Variants in CDH1 observed in about 807,000 individuals in gnomAD.
CDH1 encodes the protein cadherin 1, also known as cadherin-1.
CDH1 carries 35 observed loss-of-function variants against 84.5 expected under a neutral mutation model. That is an observed-to-expected ratio of 0.41 (90% confidence interval 0.32 to 0.55). CDH1 has a LOEUF of 0.55. Among genes scored for constraint, CDH1 ranks in the 20% least tolerant of loss-of-function variants. The pLI is 0.19. For missense variants in CDH1, 994 were observed against 1,126.6 expected, an observed-to-expected ratio of 0.88 and a Z score of 1.68; for synonymous variants, 417 against 439.0, an observed-to-expected ratio of 0.95 and a Z score of 0.63.
chr16:68,826,813 G>A (rs543640342), intron 13 of CDH1, among the ~76,000 whole-genome samples: 5 of 152,254 alleles, frequency 3.3e-5, no homozygotes, highest in African/African-American at 1.2e-4. Context: ...GTTCAGTGCT[G>A]TCTCCCTGTG....
intron 2 of CDH1, chr16:68,765,121 A>C (rs986578086): frequency 2.0e-5 from 3 of 152,220 alleles, no homozygotes; most frequent in Admixed American, 1.3e-4. Context: ...CTGCAGTTTC[A>C]CTTTTAGGTT....
chr16:68,803,473 C>T (rs896251232), intron 3 of CDH1, among the ~76,000 whole-genome samples: 5 of 152,130 alleles, frequency 3.3e-5, no homozygotes, highest in African/African-American at 4.8e-5. Flanking sequence ...TTTCGGCTCA[C>T]GGCAACGTCT....
intron 3 of CDH1, among the ~76,000 whole-genome samples, chr16:68,807,219 C>T (rs1485905047): frequency 6.6e-6 from 1 of 152,118 alleles, no homozygotes; most frequent in Non-Finnish European, 1.5e-5. Flanking sequence ...TGGCTTCCAT[C>T]CCAACAGCTT....
chr16:68,827,771 T>C (rs938516581), intron 13 of CDH1, among the ~76,000 whole-genome samples: 6 of 152,002 alleles, frequency 3.9e-5, no homozygotes, highest in African/African-American at 1.5e-4. Flanking sequence ...TCTCCATGTC[T>C]CTTCCCCTCA....
At chr16:68,797,042 A>G (rs577110323) in intron 2 of CDH1, among the ~76,000 whole-genome samples, 1 of 152,300 alleles carries the variant, frequency 6.6e-6, no homozygotes, top group African/African-American at 2.4e-5. Context: ...GTGTGGCAGC[A>G]CATGCTTAAA....
chr16:68,809,676 C>T (rs2152130706), intron 5 of CDH1, among the ~76,000 whole-genome samples: 1 of 152,190 alleles, frequency 6.6e-6, no homozygotes, highest in African/African-American at 2.4e-5. Context: ...AAGGCGCAGG[C>T]CACCACACCC....
At chr16:68,773,253 T>C (rs1165496065) in intron 2 of CDH1, among the ~76,000 whole-genome samples, 1 of 152,004 alleles carries the variant, frequency 6.6e-6, no homozygotes, top group South Asian at 2.1e-4. Context: ...AAATTGCACA[T>C]GTGAGCAACC....
At chr16:68,750,391 C>T (rs560571643) in intron 2 of CDH1, among the ~76,000 whole-genome samples, 2 of 151,964 alleles carry the variant, frequency 1.3e-5, no homozygotes, top group East Asian at 1.9e-4. Context: ...CTACTCAAGC[C>T]GCTTGGCCAG....
chr16:68,786,528 TTTTTTC>T (rs1263410531), intron 2 of CDH1, among the ~76,000 whole-genome samples: 174 of 116,666 alleles, frequency 1.5e-3, no homozygotes, highest in Non-Finnish European at 2.3e-3. Context: ...TTCTTTTTTT[TTTTTTC>T]TTTTTTTTTT....
chr16:68,799,390 A>G (rs1878096837), intron 2 of CDH1, among the ~76,000 whole-genome samples: 1 of 152,180 alleles, frequency 6.6e-6, no homozygotes, highest in Non-Finnish European at 1.5e-5. Context: ...TCTTTGAATG[A>G]CACAGCTCCC....
At chr16:68,818,533 C>CA (rs1961044763) in intron 10 of CDH1, among the ~76,000 whole-genome samples, 1 of 123,350 alleles carries the variant, frequency 8.1e-6, no homozygotes. Context: ...TCTTGGTTTT[C>CA]TTTTTTTTTT....
intron 2 of CDH1, among the ~76,000 whole-genome samples, chr16:68,794,673 A>T (rs907339531): frequency 2.7e-4 from 40 of 147,256 alleles, no homozygotes; most frequent in Non-Finnish European, 4.8e-4. Context: ...GTGCACCAAC[A>T]TGCCGGGCTA....
At chr16:68,830,463 T>C (rs1177316333) in intron 15 of CDH1, among the ~76,000 whole-genome samples, 2 of 152,128 alleles carry the variant, frequency 1.3e-5, no homozygotes, top group African/African-American at 4.8e-5. Context: ...TAATGATAAA[T>C]GTACATGACA....
rs374415410 is a variant in CDH1, at chr16:68,805,583, TTTTG to T, written c.388-2829_388-2826del. 1.9e-4 allele frequency among the ~76,000 whole-genome samples: 29 copies of T among 152,172 alleles called. 1 individual carries two copies. The highest frequency in any genetic ancestry group is 7.7e-4 in the East Asian group (4 of 5,182). ...GCAAGGTGGCCAGTTTTTGTTGTTG[TTTTG>T]TTTGTTTGTTTTTGTTTCTTTTTTG... On this transcript the variant is annotated intron_variant, in intron 3 of 15. Coordinates refer to ENST00000261769, the MANE Select transcript of CDH1 (RefSeq NM_004360.5).
chr16:68,761,132 C>A (rs1424734318), intron 2 of CDH1, among the ~76,000 whole-genome samples: 1 of 152,188 alleles, frequency 6.6e-6, no homozygotes, highest in Non-Finnish European at 1.5e-5. Context: ...CTCAACAGAG[C>A]CTGGCAGGAC....
At chr16:68,830,574 C>T (rs879945118) in intron 15 of CDH1, among the ~76,000 whole-genome samples, 5 of 152,054 alleles carry the variant, frequency 3.3e-5, no homozygotes, top group Non-Finnish European at 5.9e-5. Flanking sequence ...GTAGATTTAT[C>T]TTATACAAAT....
At chr16:68,825,764 A>G (rs1183632457) in intron 13 of CDH1, among the ~76,000 whole-genome samples, 2 of 137,894 alleles carry the variant, frequency 1.5e-5, no homozygotes, top group Admixed American at 7.1e-5. Context: ...TGCTTTTGGT[A>G]TAGTGGTTAC....
intron 3 of CDH1, among the ~76,000 whole-genome samples, chr16:68,806,491 T>A (rs140190078): frequency 1.9e-3 from 294 of 152,222 alleles, no homozygotes; most frequent in African/African-American, 6.6e-3. Flanking sequence ...TTTGTTCATG[T>A]GCTGGGGTCA....
At position 68,751,475 on chromosome 16, in the gene CDH1, G is replaced by A. The variant is rs187326034; in HGVS notation, c.163+13064G>A. Among the ~76,000 whole-genome samples, 6 of 151,472 alleles carry A rather than the reference G, an allele frequency of 4.0e-5. No homozygotes were observed. In the East Asian group the frequency reaches 1.2e-3, roughly 30 times the overall value. ...CTTAAATGTCACTCCCGCCCTCAGG[G>A]AGGACTTTCTTGAACCCCTTATTTA... On this transcript the variant is annotated intron_variant, in intron 2 of 15. Transcript: ENST00000261769.
Sources: gnomAD v4.1 joint callset for allele counts (sites outside exome capture counted in the v4.1 genomes callset) on GRCh38, gnomAD v4.1.1 for gene constraint, MANE v1.5 for transcripts, NCBI Gene and HGNC (gene_info 2026-07-23, HGNC 2026-07-21) for gene names.